The following SLC44A5 variants were observed in gnomAD, a reference collection of about 807,000 sequenced individuals.
SLC44A5 encodes solute carrier family 44 member 5, also known as choline transporter-like protein 5.
A neutral mutation model predicts 101.8 loss-of-function variants in SLC44A5; 57 were observed. The observed-to-expected ratio is 0.56, with a 90% CI of 0.45 to 0.70. The LOEUF (loss-of-function observed/expected upper bound fraction) is 0.70. SLC44A5 is among the 30% of genes least tolerant of loss of function. SLC44A5 has a pLI of 0.00. For missense variants in SLC44A5, 737 were observed against 853.1 expected, an observed-to-expected ratio of 0.86 and a Z score of 1.70; for synonymous variants, 281 against 290.9, an observed-to-expected ratio of 0.97 and a Z score of 0.35.
At chr1:75,372,822 T>G (rs764206339) in intron 3 of SLC44A5, among the ~76,000 whole-genome samples, 1 of 152,200 alleles carries the variant, frequency 6.6e-6, no homozygotes, top group Non-Finnish European at 1.5e-5. Flanking sequence ...TGAAATAGCT[T>G]TGGTTGTTCA....
At chr1:75,426,116 C>T (rs1044627557) in intron 2 of SLC44A5, among the ~76,000 whole-genome samples, 16 of 151,972 alleles carry the variant, frequency 1.1e-4, no homozygotes, top group African/African-American at 2.2e-4. Context: ...AAAAAAGAAA[C>T]GCTGAAAAAT....
At chr1:75,495,182 G>A (rs1445977854) in intron 2 of SLC44A5, among the ~76,000 whole-genome samples, 3 of 152,152 alleles carry the variant, frequency 2.0e-5, no homozygotes, top group African/African-American at 4.8e-5. Context: ...TAGGCCAGGC[G>A]CAGTGGCTCA....
At chr1:75,321,331 A>G (rs1557660059) in intron 4 of SLC44A5, among the ~76,000 whole-genome samples, 1 of 152,148 alleles carries the variant, frequency 6.6e-6, no homozygotes, top group Non-Finnish European at 1.5e-5. Context: ...ACAGAAATTT[A>G]TTTATCACAG....
chr1:75,369,380 A>T (rs943942617), intron 3 of SLC44A5, among the ~76,000 whole-genome samples: 2 of 152,132 alleles, frequency 1.3e-5, no homozygotes, highest in Admixed American at 6.6e-5. Flanking sequence ...GTATCAGAGA[A>T]ATTTAAAAAT....
chr1:75,340,699 C>A (rs1657811614), intron 3 of SLC44A5, among the ~76,000 whole-genome samples: 1 of 152,186 alleles, frequency 6.6e-6, no homozygotes, highest in Non-Finnish European at 1.5e-5. Context: ...TGGCCATGGC[C>A]AACTGGATCT....
intron 2 of SLC44A5, 134 bp from the exon 3 acceptor site, chr1:75,396,755 T>C (rs1662150581): frequency 6.0e-6 from 4 of 663,576 alleles, no homozygotes; most frequent in Non-Finnish European, 1.1e-5. Flanking sequence ...GCAGTTGGAC[T>C]GGTTGAAGTA....
the SLC44A5 span, among the ~76,000 whole-genome samples, chr1:75,717,202 G>A: frequency 6.6e-6 from 1 of 151,630 alleles, no homozygotes; most frequent in Admixed American, 6.6e-5. Flanking sequence ...TTGGCCCAGC[G>A]CTGTGGCTCA....
intron 15 of SLC44A5, 101 bp from the exon 16 acceptor site, chr1:75,219,445 T>A: frequency 1.3e-6 from 1 of 788,392 alleles, no homozygotes; most frequent in Non-Finnish European, 2.2e-6. Flanking sequence ...GAAATTAACT[T>A]AAAAAATGCC....
At chr1:75,433,621 C>A (rs980324915) in intron 2 of SLC44A5, among the ~76,000 whole-genome samples, 1 of 152,124 alleles carries the variant, frequency 6.6e-6, no homozygotes, top group Non-Finnish European at 1.5e-5. Flanking sequence ...AATCTTAGTT[C>A]TCTTTTTCTT....
At chr1:75,682,581 T>G in the SLC44A5 span, among the ~76,000 whole-genome samples, 1 of 152,090 alleles carries the variant, frequency 6.6e-6, no homozygotes, top group African/African-American at 2.4e-5. Context: ...GATCCCTTCC[T>G]TACACCTTAT....
intron 5 of SLC44A5, among the ~76,000 whole-genome samples, chr1:75,280,945 C>T (rs1216950128): frequency 6.6e-6 from 1 of 151,980 alleles, no homozygotes; most frequent in Non-Finnish European, 1.5e-5. Flanking sequence ...CAGAATAATA[C>T]AATAAATTGG....
intron 2 of SLC44A5, among the ~76,000 whole-genome samples, chr1:75,534,415 A>G (rs1282558919): frequency 6.6e-6 from 1 of 152,348 alleles, no homozygotes; most frequent in African/African-American, 2.4e-5. Context: ...TCTGAAATTC[A>G]GTACCTACAT....
At chr1:75,477,553 T>C (rs555005136) in intron 2 of SLC44A5, among the ~76,000 whole-genome samples, 208 of 152,184 alleles carry the variant, frequency 1.4e-3, no homozygotes, top group African/African-American at 4.8e-3. Flanking sequence ...AGAGAAGTGC[T>C]TAAAGGAGCT....
the SLC44A5 span, among the ~76,000 whole-genome samples, chr1:75,689,325 C>G: frequency 1.3e-5 from 2 of 152,028 alleles, no homozygotes; most frequent in Non-Finnish European, 2.9e-5. Flanking sequence ...CATCCAAGGC[C>G]CAGATTTCCA....
the SLC44A5 span, among the ~76,000 whole-genome samples, chr1:75,656,913 A>G: frequency 1.3e-5 from 2 of 152,192 alleles, no homozygotes; most frequent in South Asian, 4.1e-4. Flanking sequence ...CTTTGGGAGG[A>G]CAAGGCAGGC....
rs575808446 is a variant in SLC44A5 at position 75,577,098 on chromosome 1, C to T, written c.-70+33942G>A. Among the ~76,000 whole-genome samples, 245 of 152,266 alleles carry T rather than the reference C, an allele frequency of 1.6e-3. 2 individuals carry two copies. In the South Asian group the frequency reaches 0.019, roughly 12 times the overall value. The stretch of plus-strand genomic sequence containing the variant: ...TCTTTCAGACACCATATCCTGTTGG[C>T]TCTATCTTCAAAATATATCCAGAAT... On this transcript the variant is annotated intron_variant, in intron 1 of 23. Transcript: ENST00000370859.
chr1:75,351,368 A>G (rs899224215), intron 3 of SLC44A5, among the ~76,000 whole-genome samples: 1 of 151,442 alleles, frequency 6.6e-6, no homozygotes, highest in Non-Finnish European at 1.5e-5. Flanking sequence ...ATCTATAAAG[A>G]AAAAAAATAA....
the SLC44A5 span, among the ~76,000 whole-genome samples, chr1:75,651,820 G>A: frequency 2.0e-5 from 3 of 152,052 alleles, no homozygotes; most frequent in African/African-American, 7.3e-5. Context: ...ACCTGAGCAG[G>A]GCAGGAGAGG....
At chr1:75,418,440 A>G (rs1663796917) in intron 2 of SLC44A5, among the ~76,000 whole-genome samples, 1 of 152,200 alleles carries the variant, frequency 6.6e-6, no homozygotes, top group African/African-American at 2.4e-5. Flanking sequence ...AGGGAAACCT[A>G]TTTTGTTTAC....
Sources: gnomAD v4.1 joint callset for allele counts (sites outside exome capture counted in the v4.1 genomes callset) on GRCh38, gnomAD v4.1.1 for gene constraint, MANE v1.5 for transcripts, NCBI Gene and HGNC (gene_info 2026-07-23, HGNC 2026-07-21) for gene names.